The following PDLIM5 variants were observed in gnomAD, a reference collection of about 807,000 sequenced individuals.
PDLIM5 encodes the protein PDZ and LIM domain protein 5.
In PDLIM5, 34 loss-of-function variants were observed where a neutral mutation model predicts 64.2. That is an observed-to-expected ratio of 0.53 (90% CI 0.40 to 0.71). PDLIM5 has a LOEUF of 0.71. Ranked by LOEUF, PDLIM5 falls within the 30% of genes least tolerant of loss-of-function variation. PDLIM5 has a pLI of 0.00. For missense variants in PDLIM5, 683 were observed against 733.6 expected (o/e 0.93, Z 0.80); for synonymous variants, 253 against 269.1 (o/e 0.94, Z 0.59).
At chr4:94,542,332 A>AAATAAATAAATAAATAAATAAATAAAGT (rs1553953459) in intron 3 of PDLIM5, among the ~76,000 whole-genome samples, 24 of 150,182 alleles carry the variant, frequency 1.6e-4, no homozygotes, top group African/African-American at 1.9e-4. Context: ...ATAAATAAAT[A>AAATAAATAAATAAATAAATAAATAAAGT]AAGTAAGTAA....
chr4:94,576,558 A>G (rs1235546774), intron 5 of PDLIM5, among the ~76,000 whole-genome samples: 1 of 152,238 alleles, frequency 6.6e-6, no homozygotes, highest in East Asian at 1.9e-4. Flanking sequence ...AGCTAACAAC[A>G]TTGTTTTCAG....
intron 10 of PDLIM5, among the ~76,000 whole-genome samples, chr4:94,655,986 C>T (rs576759776): frequency 1.3e-5 from 2 of 152,258 alleles, no homozygotes; most frequent in South Asian, 2.1e-4. Flanking sequence ...TGTTTCTTCC[C>T]ATTGTCCTTC....
chr4:94,544,223 C>G (rs1732108845), intron 3 of PDLIM5, among the ~76,000 whole-genome samples: 1 of 152,086 alleles, frequency 6.6e-6, no homozygotes, highest in Non-Finnish European at 1.5e-5. Context: ...GATTTAGGGT[C>G]TACCTGAGTA....
Position 94,657,537 on chromosome 4 carries a change from C to T in PDLIM5, c.1575C>T (p.Tyr525=). Residue 525 remains tyrosine (Y), a synonymous_variant, in exon 11 of 13, where the codon TAC becomes TAT. Coordinates refer to ENST00000317968, the MANE Select transcript of PDLIM5 (RefSeq NM_006457.5). The stretch of plus-strand genomic sequence containing the variant: ...TTCACTTGGAGGATGGTGAACCCTA[C>T]TGTGAGACTGGTAAGATCAGGGAGC... The part of the protein sequence containing the change: ...NVFHLEDGEP[Y]CETDYYALFG... 6.2e-7 allele frequency: 1 copy of T among 1,610,654 alleles called. No homozygotes were observed. The highest frequency in any genetic ancestry group is 1.7e-4 in the Middle Eastern group (1 of 6,046).
chr4:94,632,090 T>A (rs1740201067), intron 8 of PDLIM5, among the ~76,000 whole-genome samples: 1 of 152,258 alleles, frequency 6.6e-6, no homozygotes, highest in African/African-American at 2.4e-5. Flanking sequence ...TAGCATAAAC[T>A]TGTGAGTGAA....
At chr4:94,508,858 G>C (rs1728623853) in intron 2 of PDLIM5, among the ~76,000 whole-genome samples, 1 of 152,114 alleles carries the variant, frequency 6.6e-6, no homozygotes, top group Non-Finnish European at 1.5e-5. Context: ...TTGACTCTCA[G>C]TTTTCTTGTT....
At chr4:94,638,458 T>G (rs1740746709) in intron 8 of PDLIM5, among the ~76,000 whole-genome samples, 1 of 152,164 alleles carries the variant, frequency 6.6e-6, no homozygotes. Context: ...ATGTGTGAAG[T>G]GTCTATAAAT....
intron 3 of PDLIM5, among the ~76,000 whole-genome samples, chr4:94,571,084 A>G (rs1202377257): frequency 1.3e-5 from 2 of 152,236 alleles, no homozygotes; most frequent in Non-Finnish European, 2.9e-5. Context: ...CTTAAGTATA[A>G]CACTGCATTG....
At chr4:94,463,669 T>G (rs1463242276) in intron 2 of PDLIM5, among the ~76,000 whole-genome samples, 1 of 152,134 alleles carries the variant, frequency 6.6e-6, no homozygotes, top group Non-Finnish European at 1.5e-5. Context: ...TAACTTTTAT[T>G]GAAAAAAATC....
intron 2 of PDLIM5, among the ~76,000 whole-genome samples, chr4:94,522,447 C>T (rs1055082358): frequency 6.6e-6 from 1 of 152,206 alleles, no homozygotes; most frequent in African/African-American, 2.4e-5. Context: ...ACGATCTCAG[C>T]TCACTGCAAC....
At chr4:94,542,183 A>G (rs1189440254) in intron 3 of PDLIM5, among the ~76,000 whole-genome samples, 1 of 152,044 alleles carries the variant, frequency 6.6e-6, no homozygotes, top group Non-Finnish European at 1.5e-5. Flanking sequence ...GTAGTGGCAC[A>G]CATCTGTAAT....
At chr4:94,488,135 CTG>C (rs1726520547) in intron 2 of PDLIM5, among the ~76,000 whole-genome samples, 1 of 152,170 alleles carries the variant, frequency 6.6e-6, no homozygotes, top group Non-Finnish European at 1.5e-5. Context: ...GTTGTTGACA[CTG>C]ATGCAGTCCA....
rs116873911 is a variant in PDLIM5, at chr4:94,552,010, A to G, written c.249-21341A>G. Among the ~76,000 whole-genome samples, 34 of 152,298 alleles carry G rather than the reference A, an allele frequency of 2.2e-4. No individual in the cohort carries two copies. The East Asian group carries it at 6.4e-3, about 28-fold the overall frequency. On this transcript the variant is annotated intron_variant, in intron 3 of 12. Coordinates refer to ENST00000317968, the MANE Select transcript of PDLIM5 (RefSeq NM_006457.5). Reference sequence around the variant, plus strand: ...TTACGTAGTAAAGTTTACTTAAACTAAGGTAAGATTTTGGACTGTGCCTAA... The same window carrying G: ...TTACGTAGTAAAGTTTACTTAAACTGAGGTAAGATTTTGGACTGTGCCTAA...
At position 94,575,752 on chromosome 4, in the gene PDLIM5, T is replaced by A; in HGVS notation, c.428T>A (p.Ile143Asn). 1 of 1,614,080 alleles carries A rather than the reference T, an allele frequency of 6.2e-7. No individual in the cohort carries two copies. The highest frequency in any genetic ancestry group is 8.5e-7 in the Non-Finnish European group (1 of 1,179,996). Residue 143 changes from isoleucine to asparagine, a missense_variant, in exon 5 of 13, where the codon ATC becomes AAC. By Grantham distance (149) the Ile-to-Asn change is moderately radical. Transcript: ENST00000317968. ...GSVSSPKVTS[I>N]PSPSSAFTPA... ...GTGTCTTCACCAAAAGTCACATCCATCCCATCACCATCGTCTGCCTTCACC... is the reference window on the plus strand; with the variant it reads ...GTGTCTTCACCAAAAGTCACATCCAACCCATCACCATCGTCTGCCTTCACC...
chr4:94,514,174 G>A (rs1206861455), intron 2 of PDLIM5, among the ~76,000 whole-genome samples: 2 of 140,992 alleles, frequency 1.4e-5, no homozygotes, highest in South Asian at 2.2e-4. Flanking sequence ...TTACGTGGTC[G>A]CCAAGGCTGG....
intron 9 of PDLIM5, among the ~76,000 whole-genome samples, chr4:94,646,202 C>T (rs756637910): frequency 2.0e-5 from 3 of 152,104 alleles, no homozygotes; most frequent in Non-Finnish European, 4.4e-5. Context: ...TTGCTGAAAT[C>T]CCAAATTCCA....
At chr4:94,611,245 A>G in intron 7 of PDLIM5, 1 of 1,491,194 alleles carries the variant, frequency 6.7e-7, no homozygotes. Flanking sequence ...GCTGTTAAGC[A>G]TACTGCTTTC....
chr4:94,459,620 G>A (rs536016876), intron 2 of PDLIM5, among the ~76,000 whole-genome samples: 3 of 152,300 alleles, frequency 2.0e-5, no homozygotes, highest in South Asian at 4.1e-4. Flanking sequence ...ACAAAGGTTG[G>A]ATGGAAAAGA....
At chr4:94,611,028 G>A (rs1738321332) in intron 7 of PDLIM5, 1 of 1,459,372 alleles carries the variant, frequency 6.9e-7, no homozygotes, top group Non-Finnish European at 9.3e-7. Flanking sequence ...GCTATTGGTA[G>A]TGTGATTTTT....
Sources: allele counts gnomAD v4.1 joint callset (sites outside exome capture counted in the v4.1 genomes callset), GRCh38; gene constraint gnomAD v4.1.1; transcripts MANE v1.5; gene names NCBI Gene and HGNC (gene_info 2026-07-23, HGNC 2026-07-21).